WWC1: variants seen among roughly 807,000 people sequenced by gnomAD.
The protein encoded by WWC1 is WW and C2 domain containing 1.
Under a neutral mutation model 138.4 loss-of-function variants are expected in WWC1, and 55 were observed. That is an observed-to-expected ratio of 0.40 (90% CI 0.32 to 0.50). The LOEUF (loss-of-function observed/expected upper bound fraction) is 0.50, where lower values mean the gene tolerates loss of function less well. Among genes scored for constraint, WWC1 ranks in the 20% least tolerant of loss-of-function variants. The pLI, the probability that WWC1 is intolerant of heterozygous loss-of-function variation, is 0.72. For synonymous variants in WWC1, 524 were observed against 564.9 expected (o/e 0.93, Z 1.03); for missense variants, 1,226 against 1,420.4 (o/e 0.86, Z 2.20).
At chr5:168,427,548 A>ATTTTTTTTT (rs34177139) in intron 11 of WWC1, among the ~76,000 whole-genome samples, 15 of 101,132 alleles carry the variant, frequency 1.5e-4, no homozygotes, top group African/African-American at 2.4e-4. Context: ...CTTTTTTTTA[A>ATTTTTTTTT]TTTTTTTTTT....
intron 17 of WWC1, among the ~76,000 whole-genome samples, chr5:168,447,841 C>G (rs1239973487): frequency 6.6e-6 from 1 of 151,978 alleles, no homozygotes; most frequent in Non-Finnish European, 1.5e-5. Context: ...CCATCTCCCT[C>G]TCTCTTTCCT....
At chr5:168,318,249 A>G (rs981618045) in intron 1 of WWC1, among the ~76,000 whole-genome samples, 1 of 152,192 alleles carries the variant, frequency 6.6e-6, no homozygotes, top group Non-Finnish European at 1.5e-5. Context: ...TACCTTAATT[A>G]CAATAATAAA....
chr5:168,294,964 T>C (rs1188312638), intron 1 of WWC1, among the ~76,000 whole-genome samples: 1 of 152,146 alleles, frequency 6.6e-6, no homozygotes, highest in African/African-American at 2.4e-5. Context: ...CTGTACCTCC[T>C]TGTCATCCCA....
Position 168,449,245 on chromosome 5 carries a change from G to T in WWC1, c.2525+4660G>T, listed in dbSNP as rs375848770. ...CAATTAAAATTAAGTTGGGTTTGTG[G>T]TTTTTTTTTCTCATCTTGGAATATT... is the stretch of plus-strand genomic sequence containing the variant. On this transcript the variant is annotated intron_variant, in intron 17 of 22. Transcript: ENST00000265293. Among the ~76,000 whole-genome samples the T allele has an allele frequency of 7.3e-5, 11 of 151,404 alleles. No homozygotes were observed. The East Asian group carries it at 1.4e-3, about 19-fold the overall frequency.
chr5:168,346,431 C>A (rs1465570959), intron 1 of WWC1, among the ~76,000 whole-genome samples: 1 of 152,288 alleles, frequency 6.6e-6, no homozygotes, highest in Non-Finnish European at 1.5e-5. Flanking sequence ...ATGAGCAAGA[C>A]CCTAAGACCC....
chr5:168,393,681 G>A (rs529147639), intron 3 of WWC1, among the ~76,000 whole-genome samples: 7 of 152,284 alleles, frequency 4.6e-5, no homozygotes, highest in African/African-American at 1.7e-4. Flanking sequence ...GCGGTATACA[G>A]AGAGGTGAGG....
chr5:168,369,407 G>T (rs574923349), intron 1 of WWC1, among the ~76,000 whole-genome samples: 2 of 152,226 alleles, frequency 1.3e-5, no homozygotes, highest in East Asian at 3.9e-4. Context: ...GTTGGTGGTG[G>T]TGGTGGTGTT....
intron 5 of WWC1, among the ~76,000 whole-genome samples, chr5:168,402,348 T>C (rs1779371726): frequency 6.6e-6 from 1 of 152,174 alleles, no homozygotes; most frequent in African/African-American, 2.4e-5. Flanking sequence ...CAAATCCCAG[T>C]TCCCTGGGTC....
chr5:168,352,414 G>A (rs1011568741), intron 1 of WWC1, among the ~76,000 whole-genome samples: 1 of 151,990 alleles, frequency 6.6e-6, no homozygotes, highest in Non-Finnish European at 1.5e-5. Flanking sequence ...TGATATTGTT[G>A]TTCCTGTTTT....
chr5:168,434,047 C>T (rs1323017212), intron 15 of WWC1, among the ~76,000 whole-genome samples: 2 of 152,224 alleles, frequency 1.3e-5, no homozygotes, highest in Non-Finnish European at 2.9e-5. Flanking sequence ...CCCTGGAGCC[C>T]AGAGATGGGG....
At chr5:168,338,978 C>T (rs111591916) in intron 1 of WWC1, among the ~76,000 whole-genome samples, 3 of 152,120 alleles carry the variant, frequency 2.0e-5, no homozygotes, top group African/African-American at 7.2e-5. Context: ...ATTGAATGTT[C>T]CCAACACAAA....
chr5:168,460,609 A>T (rs1213981844), intron 19 of WWC1, 41 bp from the exon 20 acceptor site: 1 of 1,604,544 alleles, frequency 6.2e-7, no homozygotes, highest in South Asian at 1.1e-5. Flanking sequence ...TCCAGAATGC[A>T]CTCTGACCAT....
chr5:168,345,478 T>C (rs1581985585), intron 1 of WWC1, among the ~76,000 whole-genome samples: 3 of 152,342 alleles, frequency 2.0e-5, no homozygotes, highest in Admixed American at 2.0e-4. Context: ...GTTACCTGAG[T>C]AACTCAGCCA....
At chr5:168,346,394 T>C (rs1774477250) in intron 1 of WWC1, among the ~76,000 whole-genome samples, 1 of 152,094 alleles carries the variant, frequency 6.6e-6, no homozygotes, top group Admixed American at 6.5e-5. Context: ...ATGTATTTCC[T>C]CCCCTGCTCA....
intron 3 of WWC1, among the ~76,000 whole-genome samples, chr5:168,394,134 A>C (rs1467783873): frequency 6.6e-6 from 1 of 152,198 alleles, no homozygotes; most frequent in Non-Finnish European, 1.5e-5. Context: ...AGGGAGGCTA[A>C]GTCCCCACCC....
At chr5:168,356,174 G>A (rs565321884) in intron 1 of WWC1, among the ~76,000 whole-genome samples, 79 of 152,350 alleles carry the variant, frequency 5.2e-4, no homozygotes, top group South Asian at 2.7e-3. Flanking sequence ...GAATCCTGCC[G>A]CATGATTTCT....
At chr5:168,332,250 A>T (rs1773092130) in intron 1 of WWC1, among the ~76,000 whole-genome samples, 1 of 152,224 alleles carries the variant, frequency 6.6e-6, no homozygotes, top group Non-Finnish European at 1.5e-5. Flanking sequence ...AGAGCTGAGA[A>T]GGGGCTCAAT....
chr5:168,431,465 GC>G, intron 15 of WWC1, 21 bp downstream of exon 15: 2 of 308,734 alleles, frequency 6.5e-6, no homozygotes, highest in East Asian at 3.1e-4. Context: ...TGTCTGGCTG[GC>G]TGGCTGGCTG....
At chr5:168,372,039 G>A (rs893965778) in intron 2 of WWC1, among the ~76,000 whole-genome samples, 14 of 140,172 alleles carry the variant, frequency 1.0e-4, no homozygotes, top group African/African-American at 3.7e-4. Context: ...GAGAGAGAGA[G>A]AGAAAGAGTG....
Sources: gnomAD v4.1 joint callset for allele counts (sites outside exome capture counted in the v4.1 genomes callset) on GRCh38, gnomAD v4.1.1 for gene constraint, MANE v1.5 for transcripts, NCBI Gene and HGNC (gene_info 2026-07-23, HGNC 2026-07-21) for gene names.